BLMH: variants seen among roughly 807,000 people sequenced by gnomAD.
BLMH encodes the protein BLM hydrolase.
A neutral mutation model predicts 61.6 loss-of-function variants in BLMH; 32 were observed. The ratio of observed to expected loss-of-function variants is 0.52; its 90% CI spans 0.39 to 0.70. The LOEUF (loss-of-function observed/expected upper bound fraction) is 0.70. Among genes scored for constraint, BLMH ranks in the 30% least tolerant of loss-of-function variants. The pLI is 0.00. For missense variants in BLMH, 460 were observed against 555.5 expected, an observed-to-expected ratio of 0.83 and a Z score of 1.73; for synonymous variants, 183 against 193.8, an observed-to-expected ratio of 0.94 and a Z score of 0.46.
chr17:30,285,651 A>G (rs1413750365), intron 5 of BLMH, 171 bp from the exon 6 acceptor site: 2 of 472,704 alleles, frequency 4.2e-6, no homozygotes, highest in African/African-American at 2.0e-5. Flanking sequence ...CACATAGCTA[A>G]AAATGCTTTC....
intron 11 of BLMH, among the ~76,000 whole-genome samples, chr17:30,253,049 G>C (rs958940371): frequency 1.3e-5 from 2 of 152,180 alleles, no homozygotes; most frequent in African/African-American, 4.8e-5. Flanking sequence ...CTTTCAGCAA[G>C]CAGGAGAGCA....
At position 30,249,050 on chromosome 17, in the gene BLMH, T is replaced by G. The variant is rs779237045; in HGVS notation, c.1335A>C (p.Pro445=). 1 of 1,614,138 alleles carries G rather than the reference T, an allele frequency of 6.2e-7. No individual in the cohort carries two copies. The highest frequency in any genetic ancestry group is 1.7e-5 in the Admixed American group (1 of 60,022). The change falls in exon 12 of 12, where the codon CCA becomes CCC. Residue 445 remains proline, a synonymous_variant. Transcript: ENST00000261714. ...CCAAAGCTCCCATGGGGTCCCATGCTGGCAGGATAATGGGTTCCTGCTCTA... is the reference window on the plus strand; with the variant it reads ...CCAAAGCTCCCATGGGGTCCCATGCGGGCAGGATAATGGGTTCCTGCTCTA... The part of the protein sequence containing the change: ...AVLEQEPIIL[P]AWDPMGALAE
chr17:30,268,530 A>G (rs966938665), intron 10 of BLMH, among the ~76,000 whole-genome samples: 3 of 152,152 alleles, frequency 2.0e-5, no homozygotes, highest in African/African-American at 7.2e-5. Context: ...GCTTTATACC[A>G]TTAGCATGTA....
rs1439568140 is a variant in BLMH, at chr17:30,291,873, C to G, written c.-54G>C. 6.3e-6 allele frequency: 8 copies of G among 1,277,036 alleles called. No homozygotes were observed. The East Asian group carries it at 2.5e-4, about 39-fold the overall frequency. 79.1% of individuals were successfully genotyped at this position (1,277,036 alleles called of 1,614,324 possible). The stretch of plus-strand genomic sequence containing the variant: ...GTAGCTTCCAGGGTCCTTGGGCGAG[C>G]GCCGGGATTGCGCTGCGGCTCGCTG... On this transcript the variant is annotated 5_prime_UTR_variant, in exon 1 of 12. Coordinates refer to ENST00000261714, the MANE Select transcript of BLMH (RefSeq NM_000386.4).
intron 10 of BLMH, among the ~76,000 whole-genome samples, chr17:30,270,100 A>G (rs1908225909): frequency 6.6e-6 from 1 of 152,260 alleles, no homozygotes; most frequent in African/African-American, 2.4e-5. Flanking sequence ...CAGGACTTTT[A>G]GATAGGCTAG....
At chr17:30,289,903 T>A (rs1162168695) in intron 2 of BLMH, among the ~76,000 whole-genome samples, 1 of 152,174 alleles carries the variant, frequency 6.6e-6, no homozygotes, top group Non-Finnish European at 1.5e-5. Context: ...TGAAAATATG[T>A]TTATAATATA....
intron 6 of BLMH, among the ~76,000 whole-genome samples, chr17:30,280,055 T>C: frequency 6.6e-6 from 1 of 152,268 alleles, no homozygotes; most frequent in African/African-American, 2.4e-5. Flanking sequence ...GTTATAAATC[T>C]TAGAAGCGTG....
At chr17:30,256,195 A>G (rs1296798578) in intron 11 of BLMH, among the ~76,000 whole-genome samples, 1 of 152,062 alleles carries the variant, frequency 6.6e-6, no homozygotes, top group Non-Finnish European at 1.5e-5. Context: ...CCCTCTGCGC[A>G]TTTTAAATTG....
intron 6 of BLMH, among the ~76,000 whole-genome samples, chr17:30,275,580 G>A (rs1314200714): frequency 6.6e-6 from 1 of 151,924 alleles, no homozygotes; most frequent in East Asian, 1.9e-4. Flanking sequence ...CAGCTACTCG[G>A]GAGGCTGAGG....
intron 3 of BLMH, chr17:30,288,205 G>T: frequency 2.9e-6 from 1 of 342,908 alleles, no homozygotes; most frequent in Non-Finnish European, 5.4e-6. Flanking sequence ...AACTAAAATT[G>T]GTAAATAAAC....
At chr17:30,267,014 A>T (rs1908131322) in intron 10 of BLMH, 60 bp from the exon 11 acceptor site, 1 of 1,528,338 alleles carries the variant, frequency 6.5e-7, no homozygotes, top group African/African-American at 1.4e-5. Flanking sequence ...CTGAGGTGTC[A>T]TATAATTTTA....
rs538996417 is a variant in BLMH at position 30,289,781 on chromosome 17, G to A, written c.212-299C>T. ...ACTTCAAAATAAATTAACTGAGAGC[G>A]CCATTAGAAAAGTCTTTTAAGGTCT... On this transcript the variant is annotated intron_variant, in intron 2 of 11. Coordinates refer to ENST00000261714, the MANE Select transcript of BLMH (RefSeq NM_000386.4). Among the ~76,000 whole-genome samples, 6 of 152,154 alleles carry A rather than the reference G, an allele frequency of 3.9e-5. No individual in the cohort carries two copies. In the South Asian group the frequency reaches 6.2e-4, roughly 16 times the overall value.
At chr17:30,274,262 C>A in intron 6 of BLMH, 65 bp from the exon 7 acceptor site, 1 of 1,540,832 alleles carries the variant, frequency 6.5e-7, no homozygotes, top group Middle Eastern at 1.8e-4. Context: ...TTCACCTCTT[C>A]ATTTTCCTTA....
intron 11 of BLMH, among the ~76,000 whole-genome samples, chr17:30,263,875 AC>A (rs1252210246): frequency 6.6e-6 from 1 of 152,230 alleles, no homozygotes; most frequent in Non-Finnish European, 1.5e-5. Context: ...GAGAATAGCA[AC>A]AAACTGTTAA....
chr17:30,287,046 G>C, intron 4 of BLMH, 144 bp from the exon 5 acceptor site: 1 of 605,918 alleles, frequency 1.7e-6, no homozygotes, highest in Non-Finnish European at 2.9e-6. Context: ...AGGGTTTTTT[G>C]TTTTTTGTTT....
intron 6 of BLMH, among the ~76,000 whole-genome samples, chr17:30,275,254 G>A (rs1205503655): frequency 2.6e-5 from 4 of 151,962 alleles, no homozygotes; most frequent in Non-Finnish European, 1.5e-5. Context: ...TTAGTAATAA[G>A]GTATAATTTT....
chr17:30,290,201 G>A (rs1302948203), intron 2 of BLMH, among the ~76,000 whole-genome samples: 1 of 152,158 alleles, frequency 6.6e-6, no homozygotes, highest in Non-Finnish European at 1.5e-5. Flanking sequence ...TTCTAGTAGA[G>A]GGGATCTGGA....
chr17:30,284,190 G>T (rs567110903), intron 6 of BLMH, among the ~76,000 whole-genome samples: 1 of 152,278 alleles, frequency 6.6e-6, no homozygotes, highest in East Asian at 1.9e-4. Flanking sequence ...AAATGCATTT[G>T]GTAAATGAAA....
chr17:30,287,427 AT>A (rs1908763618), intron 4 of BLMH, among the ~76,000 whole-genome samples: 1 of 152,236 alleles, frequency 6.6e-6, no homozygotes, highest in South Asian at 2.1e-4. Flanking sequence ...AAGTGTATCT[AT>A]CATACTTTTG....
Sources: gnomAD v4.1 joint callset for allele counts (sites outside exome capture counted in the v4.1 genomes callset) on GRCh38, gnomAD v4.1.1 for gene constraint, MANE v1.5 for transcripts, NCBI Gene and HGNC (gene_info 2026-07-23, HGNC 2026-07-21) for gene names.